Variants in SETD3 observed in about 807,000 individuals in gnomAD.
SETD3 encodes the protein actin-histidine N-methyltransferase.
SETD3 carries 19 observed loss-of-function variants against 63.0 expected under a neutral mutation model. That is an observed-to-expected ratio of 0.30 (90% CI 0.21 to 0.44). The LOEUF (loss-of-function observed/expected upper bound fraction) is 0.44. Among genes scored for constraint, SETD3 ranks in the 20% least tolerant of loss-of-function variants. The pLI is 1.00. For missense variants in SETD3, 587 were observed against 728.5 expected (o/e 0.81, Z 2.24); for synonymous variants, 286 against 264.1 (o/e 1.08, Z -0.80).
intron 6 of SETD3, among the ~76,000 whole-genome samples, chr14:99,445,929 C>T (rs1290460089): frequency 6.6e-6 from 1 of 152,144 alleles, no homozygotes; most frequent in Non-Finnish European, 1.5e-5. Context: ...TAGGGATTTT[C>T]ACAAAGCTCT....
chr14:99,406,713 T>A, intron 8 of SETD3, 123 bp from the exon 9 acceptor site: 1 of 905,988 alleles, frequency 1.1e-6, no homozygotes, highest in Non-Finnish European at 1.7e-6. Flanking sequence ...AAAGGTGGCA[T>A]CTGAATGCTT....
intron 6 of SETD3, among the ~76,000 whole-genome samples, chr14:99,436,497 G>T (rs1383414302): frequency 6.6e-6 from 1 of 152,132 alleles, no homozygotes; most frequent in African/African-American, 2.4e-5. Context: ...GTACTCCCCA[G>T]ACATGCTCAG....
intron 6 of SETD3, among the ~76,000 whole-genome samples, chr14:99,446,065 G>A (rs908280420): frequency 2.6e-5 from 4 of 152,140 alleles, no homozygotes; most frequent in African/African-American, 9.7e-5. Flanking sequence ...CTGTGTCTAG[G>A]GTCAGACAGG....
chr14:99,419,783 A>G (rs1892484731), intron 6 of SETD3, among the ~76,000 whole-genome samples: 1 of 148,970 alleles, frequency 6.7e-6, no homozygotes, highest in Non-Finnish European at 1.5e-5. Context: ...TCAAAAAAAA[A>G]AACAAAAAAA....
chr14:99,458,211 T>C, intron 6 of SETD3, 68 bp downstream of exon 6: 1 of 1,507,040 alleles, frequency 6.6e-7, no homozygotes, highest in Non-Finnish European at 9.0e-7. Context: ...ATGGAATATT[T>C]ATGGACTCAA....
Position 99,459,226 on chromosome 14 carries a change from G to A in SETD3, c.346-41C>T, listed in dbSNP as rs758969571. ...ATAATAGGAGAATCATCAAAACACG[G>A]TACAGTCTTCAATCCAACCATATCT... On this transcript the variant is annotated intron_variant, in intron 4 of 12. Coordinates refer to ENST00000331768, the MANE Select transcript of SETD3 (RefSeq NM_032233.3). 4.3e-5 allele frequency: 61 copies of A among 1,413,358 alleles called. No homozygotes were observed. The South Asian group carries it at 7.2e-4, about 17-fold the overall frequency. The allele number at this position is 1,413,358 out of a possible 1,614,324, so 87.6% of individuals were successfully genotyped here.
chr14:99,426,629 C>T (rs1261768037), intron 6 of SETD3, among the ~76,000 whole-genome samples: 1 of 152,228 alleles, frequency 6.6e-6, no homozygotes, highest in Admixed American at 6.5e-5. Context: ...ATTGCCACTT[C>T]CTATTTTCCC....
chr14:99,400,339 T>C (rs1891324320), intron 11 of SETD3, 80 bp from the exon 12 acceptor site: 20 of 1,449,490 alleles, frequency 1.4e-5, no homozygotes, highest in Non-Finnish European at 1.8e-5. Context: ...CCTTAGAAAA[T>C]ATTGTTTCCA....
At chr14:99,448,042 T>C (rs1223540924) in intron 6 of SETD3, among the ~76,000 whole-genome samples, 2 of 152,162 alleles carry the variant, frequency 1.3e-5, no homozygotes, top group African/African-American at 4.8e-5. Flanking sequence ...TATTTCTTTG[T>C]CCCAAAATTA....
At chr14:99,414,522 T>C (rs564123734) in intron 6 of SETD3, among the ~76,000 whole-genome samples, 4 of 152,250 alleles carry the variant, frequency 2.6e-5, no homozygotes, top group South Asian at 2.1e-4. Flanking sequence ...TGCAGGTCTA[T>C]GAGACTATAA....
chr14:99,419,064 A>G (rs990807013), intron 6 of SETD3, among the ~76,000 whole-genome samples: 3 of 152,200 alleles, frequency 2.0e-5, no homozygotes, highest in Non-Finnish European at 4.4e-5. Flanking sequence ...GATGACCATA[A>G]ATCAGAATCA....
At chr14:99,465,835 G>A (rs370757023) in intron 1 of SETD3, 22 bp from the exon 2 acceptor site, 21 of 1,548,748 alleles carry the variant, frequency 1.4e-5, no homozygotes, top group Admixed American at 5.2e-5. Flanking sequence ...AGAAAGAAAA[G>A]AGAAAAAAAT....
At chr14:99,410,218 G>T in intron 8 of SETD3, 1 of 1,613,752 alleles carries the variant, frequency 6.2e-7, no homozygotes, top group Non-Finnish European at 8.5e-7. Flanking sequence ...TCTGGTGTCT[G>T]AAGAATAGCA....
At chr14:99,411,767 AAAT>A (rs1892005968) in intron 8 of SETD3, 1 of 152,272 alleles carries the variant, frequency 6.6e-6, no homozygotes, top group South Asian at 2.1e-4. Flanking sequence ...TCATTAATGA[AAAT>A]AAGTTATAAA....
intron 1 of SETD3, among the ~76,000 whole-genome samples, chr14:99,479,413 A>C (rs1283533724): frequency 1.3e-5 from 2 of 152,270 alleles, no homozygotes; most frequent in African/African-American, 4.8e-5. Context: ...GCCCGTATAA[A>C]CACAGTACAT....
At chr14:99,416,734 G>A (rs1350090483) in intron 6 of SETD3, among the ~76,000 whole-genome samples, 1 of 152,174 alleles carries the variant, frequency 6.6e-6, no homozygotes, top group Non-Finnish European at 1.5e-5. Flanking sequence ...AATACAGGCG[G>A]AGAAACTAGC....
At chr14:99,481,466 G>A (rs767319893), upstream of SETD3, 21 of 398,592 alleles carry the variant, frequency 5.3e-5, no homozygotes, top group Non-Finnish European at 9.3e-5. Context: ...TGAGGGGCTT[G>A]CCTGAAGCGA....
chr14:99,472,307 G>T (rs1212169542), intron 1 of SETD3, among the ~76,000 whole-genome samples: 1 of 152,166 alleles, frequency 6.6e-6, no homozygotes, highest in Non-Finnish European at 1.5e-5. Flanking sequence ...TCAGTGTGAG[G>T]TGTTAGTATC....
At chr14:99,454,097 G>C (rs1346749503) in intron 6 of SETD3, among the ~76,000 whole-genome samples, 1 of 152,092 alleles carries the variant, frequency 6.6e-6, no homozygotes, top group African/African-American at 2.4e-5. Context: ...ACTTAACATG[G>C]TTTTAAAAAT....
Sources: allele counts gnomAD v4.1 joint callset (sites outside exome capture counted in the v4.1 genomes callset), GRCh38; gene constraint gnomAD v4.1.1; transcripts MANE v1.5; gene names NCBI Gene and HGNC (gene_info 2026-07-23, HGNC 2026-07-21).